MAGI3: variants seen among roughly 807,000 people sequenced by gnomAD.
MAGI3 encodes the protein membrane-associated guanylate kinase, WW and PDZ domain-containing protein 3.
MAGI3 carries 43 observed loss-of-function variants against 121.8 expected under a neutral mutation model. The ratio of observed to expected loss-of-function variants is 0.35; its 90% confidence interval spans 0.28 to 0.46. The LOEUF (loss-of-function observed/expected upper bound fraction) is 0.46. MAGI3 is among the 20% of genes least tolerant of loss of function. MAGI3 has a pLI of 1.00. For synonymous variants in MAGI3, 553 were observed against 639.3 expected (o/e 0.86, Z 2.04); for missense variants, 1,547 against 1,797.3 (o/e 0.86, Z 2.52).
At chr1:113,633,907 G>C (rs923307987) in intron 9 of MAGI3, among the ~76,000 whole-genome samples, 4 of 152,122 alleles carry the variant, frequency 2.6e-5, no homozygotes, top group African/African-American at 9.7e-5. Context: ...GTTGTTTCCT[G>C]ACTTTTTAAT....
rs548992085 is a variant in MAGI3, at chr1:113,647,306, G to A, written c.2155+664G>A. On this transcript the variant is annotated intron_variant, in intron 12 of 20. Transcript: ENST00000307546. The stretch of plus-strand genomic sequence containing the variant: ...CCAATGATGCCCTTCCAAGGGAGCT[G>A]GAGTTGGTCATATAAATAACAGAGA... 4.6e-5 allele frequency among the ~76,000 whole-genome samples: 7 copies of A among 152,294 alleles called. No individual in the cohort carries two copies. The South Asian group carries it at 1.5e-3, about 32-fold the overall frequency.
At chr1:113,585,619 T>G (rs1489990618) in intron 4 of MAGI3, 23 bp downstream of exon 4, 1 of 1,566,352 alleles carries the variant, frequency 6.4e-7, no homozygotes, top group Non-Finnish European at 8.7e-7. Flanking sequence ...ATGAACAACT[T>G]CTAACTGATC....
chr1:113,629,305 C>T (rs955272729), intron 9 of MAGI3, among the ~76,000 whole-genome samples: 1 of 152,238 alleles, frequency 6.6e-6, no homozygotes, highest in Non-Finnish European at 1.5e-5. Flanking sequence ...ATTTATGTGA[C>T]AGGATTCTGC....
chr1:113,623,573 C>T (rs1309555970), intron 9 of MAGI3, among the ~76,000 whole-genome samples: 1 of 151,588 alleles, frequency 6.6e-6, no homozygotes, highest in Non-Finnish European at 1.5e-5. Flanking sequence ...CTGCAAACTC[C>T]GTCTCCCGGG....
Position 113,590,510 on chromosome 1 carries a change from T to A in MAGI3, c.790T>A (p.Ser264Thr). Reference sequence around the variant, plus strand: ...AAACAGAGAGAGGCATTCTGAGTCATCTGACTGGATGAAGACTGTTCCAAG... The same window carrying A: ...AAACAGAGAGAGGCATTCTGAGTCAACTGACTGGATGAAGACTGTTCCAAG... The part of the protein sequence containing the change: ...AENRERHSES[S>T]DWMKTVPSYN... Residue 264 changes from serine to threonine, a missense_variant, in exon 5 of 21, where the codon TCT (serine) becomes ACT (threonine). Physicochemically the swap from Ser to Thr is moderately conservative, Grantham distance 58 (BLOSUM62 1). Transcript: ENST00000307546. 1 of 1,613,728 alleles carries A rather than the reference T, an allele frequency of 6.2e-7. No homozygotes were observed.
intron 9 of MAGI3, among the ~76,000 whole-genome samples, chr1:113,630,900 G>A (rs1237948777): frequency 1.3e-5 from 2 of 152,162 alleles, no homozygotes; most frequent in Non-Finnish European, 2.9e-5. Context: ...ACTTGTCTAG[G>A]AATTGCAGTC....
At chr1:113,514,325 T>C (rs1171756757) in intron 1 of MAGI3, among the ~76,000 whole-genome samples, 3 of 152,106 alleles carry the variant, frequency 2.0e-5, no homozygotes, top group Middle Eastern at 3.4e-3. Flanking sequence ...CACATGCACA[T>C]GTATGTTTAT....
chr1:113,517,458 G>T (rs1657985675), intron 1 of MAGI3, among the ~76,000 whole-genome samples: 1 of 151,836 alleles, frequency 6.6e-6, no homozygotes, highest in South Asian at 2.1e-4. Flanking sequence ...TTTTGTTTCT[G>T]TTGAGTCCCT....
At chr1:113,482,364 T>A (rs1393723254) in intron 1 of MAGI3, among the ~76,000 whole-genome samples, 2 of 149,802 alleles carry the variant, frequency 1.3e-5, no homozygotes, top group Non-Finnish European at 3.0e-5. Context: ...GTTCAGCCTA[T>A]TTTTTTTTTC....
intron 1 of MAGI3, among the ~76,000 whole-genome samples, chr1:113,488,271 A>G (rs1401122996): frequency 3.9e-5 from 6 of 152,260 alleles, no homozygotes; most frequent in Non-Finnish European, 7.3e-5. Flanking sequence ...GTGCAGGAAC[A>G]TCTGTAGTGG....
chr1:113,604,709 G>A (rs1357405976), intron 6 of MAGI3, among the ~76,000 whole-genome samples: 1 of 151,212 alleles, frequency 6.6e-6, no homozygotes. Flanking sequence ...ATTATTCTAA[G>A]TGACTCAGGA....
intron 1 of MAGI3, chr1:113,450,294 C>T: frequency 6.4e-7 from 1 of 1,571,214 alleles, no homozygotes; most frequent in Non-Finnish European, 8.8e-7. Context: ...GTGGATCTGG[C>T]AATTTTATGG....
chr1:113,653,445 A>T (rs556228178), intron 14 of MAGI3, among the ~76,000 whole-genome samples: 2 of 151,956 alleles, frequency 1.3e-5, no homozygotes, highest in Non-Finnish European at 2.9e-5. Flanking sequence ...GGTGGTGGGC[A>T]CCTGTAATCC....
At chr1:113,558,934 A>G (rs946994090) in intron 2 of MAGI3, among the ~76,000 whole-genome samples, 8 of 152,312 alleles carry the variant, frequency 5.3e-5, no homozygotes, top group African/African-American at 1.4e-4. Context: ...CCAGAATTTC[A>G]TATCTGGCCA....
chr1:113,660,766 A>ATTTTTTT (rs33956607), intron 16 of MAGI3, among the ~76,000 whole-genome samples: 5 of 122,984 alleles, frequency 4.1e-5, no homozygotes, highest in African/African-American at 6.2e-5. Context: ...ATAATTTTTA[A>ATTTTTTT]TTTTTTTTTT....
chr1:113,395,087 G>GTTTTTTTTTGTTT (rs1651024108), intron 1 of MAGI3, among the ~76,000 whole-genome samples: 1 of 33,244 alleles, frequency 3.0e-5, no homozygotes, highest in Non-Finnish European at 5.1e-5. Flanking sequence ...CTTTTTGTTA[G>GTTTTTTTTTGTTT]TTTTTTTTTT....
chr1:113,520,589 G>A (rs998714569), intron 1 of MAGI3, among the ~76,000 whole-genome samples: 1 of 151,640 alleles, frequency 6.6e-6, no homozygotes, highest in African/African-American at 2.4e-5. Context: ...TTAGTCTCCT[G>A]TTTTCTTACT....
chr1:113,540,442 G>A (rs982370139), intron 1 of MAGI3, among the ~76,000 whole-genome samples: 2 of 152,190 alleles, frequency 1.3e-5, no homozygotes, highest in Non-Finnish European at 2.9e-5. Context: ...TTCTGCCCAC[G>A]TCTTGTTTTC....
At chr1:113,457,352 T>G (rs1045979437) in intron 1 of MAGI3, among the ~76,000 whole-genome samples, 3 of 152,210 alleles carry the variant, frequency 2.0e-5, no homozygotes, top group Admixed American at 6.5e-5. Flanking sequence ...TTTTTACAAA[T>G]CTACAATTTC....
Sources: gnomAD v4.1 joint callset for allele counts (sites outside exome capture counted in the v4.1 genomes callset) on GRCh38, gnomAD v4.1.1 for gene constraint, MANE v1.5 for transcripts, NCBI Gene and HGNC (gene_info 2026-07-23, HGNC 2026-07-21) for gene names.